Variants in ZNF710 observed in about 807,000 individuals in gnomAD.
ZNF710 encodes zinc finger protein 710.
A neutral mutation model predicts 50.6 loss-of-function variants in ZNF710; 13 were observed. That is an observed-to-expected ratio of 0.26 (90% CI 0.17 to 0.41). The LOEUF (loss-of-function observed/expected upper bound fraction) is 0.41, where lower values mean the gene tolerates loss of function less well. Ranked by LOEUF, ZNF710 falls within the 10% of genes least tolerant of loss-of-function variation. ZNF710 has a pLI of 1.00. For synonymous variants in ZNF710, 383 were observed against 397.0 expected (o/e 0.96, Z 0.42); for missense variants, 721 against 936.6 (o/e 0.77, Z 3.01).
chr15:90,063,294 T>C (rs1900067846), intron 1 of ZNF710, among the ~76,000 whole-genome samples: 1 of 152,028 alleles, frequency 6.6e-6, no homozygotes, highest in South Asian at 2.1e-4. Flanking sequence ...TCCCCCTTCA[T>C]TGATGGGGCA....
Position 90,067,456 on chromosome 15 carries a change from C to A in ZNF710, c.319C>A (p.Pro107Thr). The change falls in exon 2 of 5, where the codon CCC becomes ACC. Residue 107 changes from proline to threonine, a missense_variant. Pro to Thr is a conservative substitution (Grantham distance 38). Around this residue, in one of 3 missense-constraint regions of ZNF710, gnomAD observed 326 missense variants for 347.1 expected, o/e 0.94. Transcript: ENST00000268154. This position sits in a 1 kb window ranked among gnomAD's most constrained non-coding sequence, Gnocchi z 8.1. ...RKTRPPVRLV[P>T]KVKFEKVEEE... ...GACGCGGCCACCTGTGCGGTTGGTG[C>A]CCAAGGTCAAGTTCGAGAAGGTGGA... 6.2e-7 allele frequency: 1 copy of A among 1,611,650 alleles called. No homozygotes were observed. The highest frequency in any genetic ancestry group is 8.5e-7 in the Non-Finnish European group (1 of 1,178,850).
At chr15:90,071,862 GAT>G (rs1900401111) in intron 2 of ZNF710, among the ~76,000 whole-genome samples, 9 of 152,102 alleles carry the variant, frequency 5.9e-5, no homozygotes, top group African/African-American at 2.2e-4. Context: ...TTTTAGTAGA[GAT>G]AGGGTTTCAC....
intron 1 of ZNF710, among the ~76,000 whole-genome samples, chr15:90,026,260 C>T (rs1051002157): frequency 2.5e-5 from 1 of 40,800 alleles, no homozygotes; most frequent in Non-Finnish European, 5.2e-5. Context: ...AAAACAACAA[C>T]AACAACAACA....
intron 1 of ZNF710, among the ~76,000 whole-genome samples, chr15:90,008,428 A>ATATATATATATACATATATATATATG (rs1567218362): frequency 8.0e-5 from 10 of 124,638 alleles, no homozygotes; most frequent in African/African-American, 1.0e-4. Context: ...GTGTGTGTGT[A>ATATATATATATACATATATATATATG]TATATATATA....
intron 1 of ZNF710, among the ~76,000 whole-genome samples, chr15:90,055,286 C>T (rs1249800169): frequency 1.3e-5 from 2 of 152,052 alleles, no homozygotes; most frequent in African/African-American, 2.4e-5. Context: ...GTTACCTGGG[C>T]TGAAAGCTGA....
At chr15:90,033,681 C>A (rs1183484196) in intron 1 of ZNF710, among the ~76,000 whole-genome samples, 1 of 152,208 alleles carries the variant, frequency 6.6e-6, no homozygotes, top group African/African-American at 2.4e-5. Context: ...AACTCAGCCT[C>A]CCAAGTAGCT....
chr15:90,068,629 G>A lies in ZNF710; in HGVS notation c.1458+34G>A. On this transcript the variant is annotated intron_variant, in intron 2 of 4. Coordinates refer to ENST00000268154, the MANE Select transcript of ZNF710 (RefSeq NM_198526.4). This position sits in a 1 kb window ranked among gnomAD's most constrained non-coding sequence, Gnocchi z 5.0. ...GTTCCCAGGGCCTGGGCATCTGCCTGCCCCTCCTGCCACTTTTTCATCCAG... is the reference window on the plus strand; with the variant it reads ...GTTCCCAGGGCCTGGGCATCTGCCTACCCCTCCTGCCACTTTTTCATCCAG... 3 of 1,542,722 alleles carry A rather than the reference G, an allele frequency of 1.9e-6. No homozygotes were observed. Among genetic ancestry groups the A allele is most frequent in the African/African-American group, 2.7e-5 (2 of 73,910 alleles).
rs577430935 is a variant in ZNF710, at chr15:90,081,329, C to T, written c.*1500C>T. 1.2e-4 allele frequency: 19 copies of T among 152,418 alleles called. No homozygotes were observed. The highest frequency in any genetic ancestry group is 4.6e-4 in the African/African-American group (19 of 41,570). 9.4% of individuals were successfully genotyped at this position (152,418 alleles called of 1,614,324 possible). On this transcript the variant is annotated 3_prime_UTR_variant, in exon 5 of 5. Transcript: ENST00000268154. ...GGAACTCTAGGGCACCCGGACCCCC[C>T]CACCCACTTGCCTCCTGAGGCCTCA...
chr15:90,011,389 G>T (rs558885611), intron 1 of ZNF710, among the ~76,000 whole-genome samples: 2 of 152,346 alleles, frequency 1.3e-5, no homozygotes, highest in South Asian at 2.1e-4. Flanking sequence ...GATTACAGGT[G>T]TGAGCCACCG....
At chr15:90,052,115 A>G (rs1899663681) in intron 1 of ZNF710, among the ~76,000 whole-genome samples, 2 of 151,922 alleles carry the variant, frequency 1.3e-5, no homozygotes, top group Non-Finnish European at 2.9e-5. Flanking sequence ...CCAGCCTTTT[A>G]GTGGAGGACT....
chr15:90,069,042 A>G (rs1900286588), intron 2 of ZNF710, among the ~76,000 whole-genome samples: 2 of 152,118 alleles, frequency 1.3e-5, no homozygotes, highest in Admixed American at 6.6e-5. Flanking sequence ...AGCCTTGCCA[A>G]TGTGGTGAAA....
At chr15:90,051,894 C>T (rs1023072165) in intron 1 of ZNF710, among the ~76,000 whole-genome samples, 34 of 152,054 alleles carry the variant, frequency 2.2e-4, no homozygotes, top group Non-Finnish European at 3.4e-4. Context: ...AAACCAAATC[C>T]CAGGGAGGTT....
At position 90,040,887 on chromosome 15, in the gene ZNF710, C is replaced by T. The variant is rs911400165; in HGVS notation, c.-28-26223C>T. ...AAGTGAGGACTTATCTCTCCACCACCCTATCATTCCTCCTCCTCCTCTCTT... is the reference window on the plus strand; with the variant it reads ...AAGTGAGGACTTATCTCTCCACCACTCTATCATTCCTCCTCCTCCTCTCTT... On this transcript the variant is annotated intron_variant, in intron 1 of 4. Coordinates refer to ENST00000268154, the MANE Select transcript of ZNF710 (RefSeq NM_198526.4). This position sits in a 1 kb window ranked among gnomAD's most constrained non-coding sequence, Gnocchi z 4.6. Among the ~76,000 whole-genome samples, 10 of 152,178 alleles carry T rather than the reference C, an allele frequency of 6.6e-5. No individual in the cohort carries two copies. Among genetic ancestry groups the T allele is most frequent in the African/African-American group, 1.2e-4 (5 of 41,438 alleles).
chr15:90,030,162 TCTA>T (rs1180680998), intron 1 of ZNF710, among the ~76,000 whole-genome samples: 4 of 150,562 alleles, frequency 2.7e-5, no homozygotes, highest in Non-Finnish European at 5.9e-5. Flanking sequence ...AAACCCCGTC[TCTA>T]CTAAAAATAC....
Position 90,062,069 on chromosome 15 carries a change from C to T in ZNF710, c.-28-5041C>T, listed in dbSNP as rs897913696. On this transcript the variant is annotated intron_variant, in intron 1 of 4. Transcript: ENST00000268154. This position sits in a 1 kb window ranked among gnomAD's most constrained non-coding sequence, Gnocchi z 5.6. ...AGGTGCCGAGCCCTGGGAAATAGGG[C>T]AGTCCTGGGCTTCCGGTGTCACTGC... 6.6e-6 allele frequency among the ~76,000 whole-genome samples: 1 copy of T among 151,964 alleles called. No homozygotes were observed. The highest frequency in any genetic ancestry group is 1.5e-5 in the Non-Finnish European group (1 of 67,962).
At chr15:90,039,675 G>T (rs1222016170) in intron 1 of ZNF710, among the ~76,000 whole-genome samples, 2 of 152,102 alleles carry the variant, frequency 1.3e-5, no homozygotes, top group Admixed American at 6.5e-5. Context: ...ACCCCTAATG[G>T]CCATAAACTG....
rs910577412 is a variant in ZNF710, at chr15:90,062,898, C to T, written c.-28-4212C>T. Among the ~76,000 whole-genome samples the T allele has an allele frequency of 8.5e-5, 13 of 152,328 alleles. No individual in the cohort carries two copies. The highest frequency in any genetic ancestry group is 1.7e-4 in the African/African-American group (7 of 41,578). On this transcript the variant is annotated intron_variant, in intron 1 of 4. Transcript: ENST00000268154. The surrounding 1 kb of genome is among the most constrained non-coding windows in gnomAD (Gnocchi z 5.6). ...CCCAGTGAACAAGACAACATGGACA[C>T]GGGGCCTGCCCCCATAAGCCTCACA...
At position 90,067,294 on chromosome 15, in the gene ZNF710, G is replaced by A. The variant is rs775657651; in HGVS notation, c.157G>A (p.Gly53Arg). 6.2e-7 allele frequency: 1 copy of A among 1,611,510 alleles called. No individual in the cohort carries two copies. The highest frequency in any genetic ancestry group is 8.5e-7 in the Non-Finnish European group (1 of 1,179,092). Residue 53 changes from glycine to arginine, a missense_variant, in exon 2 of 5, where the codon GGG becomes AGG. By Grantham distance (125) the Gly-to-Arg change is moderately radical (BLOSUM62 -2). Around this residue, in one of 3 missense-constraint regions of ZNF710, gnomAD observed 326 missense variants for 347.1 expected, o/e 0.94. Coordinates refer to ENST00000268154, the MANE Select transcript of ZNF710 (RefSeq NM_198526.4). This position sits in a 1 kb window ranked among gnomAD's most constrained non-coding sequence, Gnocchi z 8.1. ...FYPDLGPELS[G>R]AAMGEPEPPG... ...CCCGGACCTGGGGCCCGAGCTTTCAGGGGCAGCCATGGGAGAGCCCGAGCC... is the reference window on the plus strand; with the variant it reads ...CCCGGACCTGGGGCCCGAGCTTTCAAGGGCAGCCATGGGAGAGCCCGAGCC...
upstream of ZNF710, chr15:90,001,254 A>G (rs7179486): frequency 0.15 from 23,040 of 151,964 alleles, 4,248 homozygotes; most frequent in African/African-American, 0.44. Flanking sequence ...GACAAGAGGG[A>G]GGTGTTGGGG....
Sources: gnomAD v4.1 joint callset for allele counts (sites outside exome capture counted in the v4.1 genomes callset) on GRCh38, gnomAD v4.1.1 for gene constraint, gnomAD v4.1.1 regional missense constraint, Gnocchi (gnomAD v3.1) non-coding constraint, MANE v1.5 for transcripts, NCBI Gene and HGNC (gene_info 2026-07-23, HGNC 2026-07-21) for gene names.